PLXNA1: variants seen among roughly 807,000 people sequenced by gnomAD.
The protein encoded by PLXNA1 is plexin-A1.
Under a neutral mutation model 191.7 loss-of-function variants are expected in PLXNA1, and 77 were observed. The observed-to-expected ratio is 0.40, with a 90% CI of 0.33 to 0.49. The LOEUF is 0.49. Among genes scored for constraint, PLXNA1 ranks in the 20% least tolerant of loss-of-function variants. The pLI is 0.63. For synonymous variants in PLXNA1, 1,137 were observed against 1,156.4 expected, an observed-to-expected ratio of 0.98 and a Z score of 0.34; for missense variants, 2,110 against 2,660.2, an observed-to-expected ratio of 0.79 and a Z score of 4.55.
chr3:127,022,424 G>A (rs78526574), intron 22 of PLXNA1, 83 bp downstream of exon 22: 34,484 of 1,519,716 alleles, frequency 0.023, 911 homozygotes, highest in African/African-American at 0.094. Flanking sequence ...GCCCAGAGAC[G>A]TTGCTGTGGC....
chr3:127,017,357 C>T, intron 17 of PLXNA1, 68 bp from the exon 18 acceptor site: 1 of 1,557,776 alleles, frequency 6.4e-7, no homozygotes, highest in South Asian at 1.2e-5. Context: ...AGGCCAGGGG[C>T]TCTGTCACTG....
At chr3:127,028,747 G>GGCCCT in intron 25 of PLXNA1, 1 of 564,494 alleles carries the variant, frequency 1.8e-6, no homozygotes, top group South Asian at 2.2e-5. Context: ...GAGGAGTTGG[G>GGCCCT]GCCCTAAGGC....
Position 127,035,691 on chromosome 3 carries a change from A to G in PLXNA1, c.*1674A>G, listed in dbSNP as rs1159641888. The G allele has an allele frequency of 6.6e-6, 1 of 152,506 alleles. No individual in the cohort carries two copies. Among genetic ancestry groups the G allele is most frequent in the Non-Finnish European group, 1.5e-5 (1 of 68,018 alleles). 9.4% of individuals were successfully genotyped at this position (152,506 alleles called of 1,614,324 possible). A position where few individuals can be genotyped will look rare whatever the true frequency, so the allele number is the denominator to read the frequency against. On this transcript the variant is annotated 3_prime_UTR_variant, in exon 32 of 32. Coordinates refer to ENST00000393409, the MANE Select transcript of PLXNA1 (RefSeq NM_032242.4). ...CTTTTTTGATGGTACCGAAGATCCC[A>G]TGGACATTAAGGGACAGCTAACTGT...
chr3:127,026,136 C>T (rs561010245), intron 23 of PLXNA1, among the ~76,000 whole-genome samples: 320 of 152,318 alleles, frequency 2.1e-3, no homozygotes, highest in Non-Finnish European at 2.9e-3. Context: ...CCCGTCACTG[C>T]ACGAGAGATT....
At position 127,028,213 on chromosome 3, in the gene PLXNA1, T is replaced by G. The variant is rs1453679596; in HGVS notation, c.4542T>G (p.Asn1514Lys). ...ACTGTGTGAACCCTGAGAATGAGAA[T>G]GCACCTGAGGTGCCGGTGAAGGGGC... ...TLNCVNPENE[N>K]APEVPVKGLD... The change falls in exon 25 of 32, where the codon AAT becomes AAG. Residue 1514 changes from asparagine to lysine, a missense_variant. Transcript: ENST00000393409. The G allele has an allele frequency of 6.2e-7, 1 of 1,613,040 alleles. No individual in the cohort carries two copies. Among genetic ancestry groups the G allele is most frequent in the African/African-American group, 1.3e-5 (1 of 74,930 alleles).
intron 8 of PLXNA1, among the ~76,000 whole-genome samples, chr3:127,007,299 G>A (rs1218620818): frequency 1.3e-5 from 2 of 152,348 alleles, no homozygotes; most frequent in East Asian, 3.9e-4. Flanking sequence ...GTGTGTCAGA[G>A]GGAAACAGAC....
intron 3 of PLXNA1, among the ~76,000 whole-genome samples, chr3:126,992,819 G>A (rs964803901): frequency 1.3e-5 from 2 of 152,120 alleles, no homozygotes; most frequent in Non-Finnish European, 2.9e-5. Flanking sequence ...GCCCCCATGT[G>A]GGGTACCGCC....
chr3:127,016,594 A>G lies in PLXNA1; in HGVS notation c.3092A>G (p.Asn1031Ser). The change falls in exon 16 of 32, where the codon AAC becomes AGC. Residue 1031 changes from asparagine to serine, a missense_variant. By Grantham distance (46) the Asn-to-Ser change is conservative. Transcript: ENST00000393409. Reference protein sequence around the residue: ...PGSAPIIININRAQLTNPEVK... With the variant: ...PGSAPIIINISRAQLTNPEVK... The stretch of plus-strand genomic sequence containing the variant: ...AGCGCTCCCATCATCATCAACATCA[A>G]CCGCGCCCAGCTCACCAACCCTGAG... 1.9e-6 allele frequency: 3 copies of G among 1,613,806 alleles called. No homozygotes were observed. Among genetic ancestry groups the G allele is most frequent in the Non-Finnish European group, 2.5e-6 (3 of 1,179,882 alleles).
At position 127,036,636 on chromosome 3, in the gene PLXNA1, C is replaced by A. The variant is rs1158465039; in HGVS notation, c.*2619C>A. On this transcript the variant is annotated 3_prime_UTR_variant, in exon 32 of 32. Coordinates refer to ENST00000393409, the MANE Select transcript of PLXNA1 (RefSeq NM_032242.4). ...CACTGTGCTCCTAACTGTGCAGCACCTGGGAGCTCTGGCCTGGGGCTGGAG... is the reference window on the plus strand; with the variant it reads ...CACTGTGCTCCTAACTGTGCAGCACATGGGAGCTCTGGCCTGGGGCTGGAG... The A allele has an allele frequency of 6.6e-6, 1 of 152,364 alleles. No individual in the cohort carries two copies. The highest frequency in any genetic ancestry group is 2.4e-5 in the African/African-American group (1 of 41,460). 9.4% of individuals were successfully genotyped at this position (152,364 alleles called of 1,614,324 possible).
intron 29 of PLXNA1, among the ~76,000 whole-genome samples, chr3:127,032,137 C>T (rs1057441998): frequency 3.3e-5 from 5 of 152,234 alleles, no homozygotes; most frequent in Non-Finnish European, 1.5e-5. Context: ...CTTGTGCAAA[C>T]GAGTGCGTTT....
rs759721546 is a variant in PLXNA1, at chr3:126,988,539, C to T, written c.-55C>T. 5 of 1,412,780 alleles carry T rather than the reference C, an allele frequency of 3.5e-6. No homozygotes were observed. Among genetic ancestry groups the T allele is most frequent in the Non-Finnish European group, 3.7e-6 (4 of 1,075,868 alleles). 87.5% of individuals were successfully genotyped at this position (1,412,780 alleles called of 1,614,324 possible). On this transcript the variant is annotated 5_prime_UTR_variant, in exon 2 of 32. Coordinates refer to ENST00000393409, the MANE Select transcript of PLXNA1 (RefSeq NM_032242.4). ...TCCCCAGGGCTGAAGCTCCTGGCAC[C>T]ATGATGCTCACCCCAGCAGGACCAG...
intron 26 of PLXNA1, 109 bp from the exon 27 acceptor site, chr3:127,029,331 C>G (rs1435811295): frequency 5.7e-6 from 6 of 1,059,926 alleles, no homozygotes; most frequent in Non-Finnish European, 8.8e-6. Flanking sequence ...AGGTGGCTGC[C>G]TCCAGGCACA....
Position 126,991,380 on chromosome 3 carries a change from A to C in PLXNA1, c.1195-4A>C. On this transcript the variant is annotated splice_polypyrimidine_tract_variant and splice_region_variant and intron_variant, in intron 2 of 31. Transcript: ENST00000393409. The stretch of plus-strand genomic sequence containing the variant: ...AGTGGCTCTCACCCTGCCCCTTCCC[A>C]CAGCCCCTGCAGATCGATGACGACT... 2 of 1,612,252 alleles carry C rather than the reference A, an allele frequency of 1.2e-6. No homozygotes were observed. Among genetic ancestry groups the C allele is most frequent in the Middle Eastern group, 1.7e-4 (1 of 6,004 alleles).
At position 127,022,180 on chromosome 3, in the gene PLXNA1, G is replaced by A; in HGVS notation, c.4134G>A (p.Gln1378=). The change falls in exon 22 of 32, where the codon CAG becomes CAA. Residue 1378 remains glutamine, a synonymous_variant. Coordinates refer to ENST00000393409, the MANE Select transcript of PLXNA1 (RefSeq NM_032242.4). The part of the protein sequence containing the change: ...LLTFIRTLEA[Q]RSFSMRDRGN... ...CCTTCATCCGCACGCTGGAGGCACA[G>A]CGCAGCTTCTCCATGCGCGACCGCG... The A allele has an allele frequency of 1.9e-6, 3 of 1,613,420 alleles. No homozygotes were observed. Among genetic ancestry groups the A allele is most frequent in the Non-Finnish European group, 2.5e-6 (3 of 1,179,994 alleles).
Position 127,018,349 on chromosome 3 carries a change from G to C in PLXNA1, c.3716G>C (p.Ser1239Thr), listed in dbSNP as rs2107633762. 1 of 1,612,880 alleles carries C rather than the reference G, an allele frequency of 6.2e-7. No individual in the cohort carries two copies. Among genetic ancestry groups the C allele is most frequent in the East Asian group, 2.2e-5 (1 of 44,890 alleles). Residue 1239 changes from serine (S) to threonine (T), a missense_variant, in exon 20 of 32, where the codon AGC becomes ACC. Physicochemically the swap from Ser to Thr is moderately conservative, Grantham distance 58. Coordinates refer to ENST00000393409, the MANE Select transcript of PLXNA1 (RefSeq NM_032242.4). ...SPGTLQVYSD[S>T]LLTLPAIVGI... is the part of the protein sequence containing the mutation. ...GGGACACTGCAGGTGTACTCGGACAGCCTGCTGACGCTGCCTGCCATTGTG... is the reference window on the plus strand; with the variant it reads ...GGGACACTGCAGGTGTACTCGGACACCCTGCTGACGCTGCCTGCCATTGTG...
chr3:126,993,311 C>G (rs1576670360), intron 3 of PLXNA1, among the ~76,000 whole-genome samples: 1 of 152,212 alleles, frequency 6.6e-6, no homozygotes, highest in Non-Finnish European at 1.5e-5. Context: ...TTCCTGCCCC[C>G]ATTCCTTCTC....
chr3:127,031,541 G>C (rs1214927397), intron 29 of PLXNA1, among the ~76,000 whole-genome samples: 3 of 152,096 alleles, frequency 2.0e-5, no homozygotes, highest in Non-Finnish European at 4.4e-5. Context: ...CTCTCTCCTG[G>C]ACTGTCCCTG....
chr3:127,015,384 C>T (rs2079118023), intron 15 of PLXNA1, 64 bp downstream of exon 15: 1 of 1,548,510 alleles, frequency 6.5e-7, no homozygotes, highest in East Asian at 2.3e-5. Context: ...TGGTTGCATG[C>T]CCCTTCTTGT....
chr3:127,017,394 C>T (rs2079129042), intron 17 of PLXNA1, 31 bp from the exon 18 acceptor site: 2 of 1,603,320 alleles, frequency 1.2e-6, no homozygotes, highest in Non-Finnish European at 1.7e-6. Context: ...TCGCGGAGGT[C>T]CCGCCCAGCA....
Sources: allele counts gnomAD v4.1 joint callset (sites outside exome capture counted in the v4.1 genomes callset), GRCh38; gene constraint gnomAD v4.1.1; transcripts MANE v1.5; gene names NCBI Gene and HGNC (gene_info 2026-07-23, HGNC 2026-07-21).